The following INTS1 variants were observed in gnomAD, a reference collection of about 807,000 sequenced individuals.
INTS1 encodes the protein integrator complex subunit 1.
INTS1 carries 137 observed loss-of-function variants against 241.6 expected under a neutral mutation model. That is an observed-to-expected ratio of 0.57 (90% CI 0.49 to 0.65). INTS1 has a LOEUF of 0.65. Among genes scored for constraint, INTS1 ranks in the 30% least tolerant of loss-of-function variants. The pLI is 0.00. For synonymous variants in INTS1, 1,692 were observed against 1,337.8 expected (o/e 1.26, Z -5.78); for missense variants, 3,073 against 3,032.2 (o/e 1.01, Z -0.32).
Position 1,497,447 on chromosome 7 carries a change from G to A in INTS1, c.1426-133C>T. ...TCTCAGACAGTGTGGGGTGCGGGGTGGCGGGCTCCTTGCTCTACTGGCTGC... is the reference window on the plus strand; with the variant it reads ...TCTCAGACAGTGTGGGGTGCGGGGTAGCGGGCTCCTTGCTCTACTGGCTGC... On this transcript the variant is annotated intron_variant, in intron 10 of 47. Coordinates refer to ENST00000404767, the MANE Select transcript of INTS1 (RefSeq NM_001080453.3). This position sits in a 1 kb window ranked among gnomAD's most constrained non-coding sequence, Gnocchi z 5.3. 1.1e-6 allele frequency: 1 copy of A among 876,680 alleles called. No individual in the cohort carries two copies. The highest frequency in any genetic ancestry group is 1.7e-6 in the Non-Finnish European group (1 of 598,560). The allele number at this position is 876,680 out of a possible 1,614,324, so 54.3% of individuals were successfully genotyped here.
In INTS1 at chr7:1,493,719, C is replaced by A. The variant is rs1411498413; in HGVS notation, c.2068+35G>T. ...TTTCTGCAGGGACGAGGGGAGCAGA[C>A]CCAGCACAGGCGCCATCCCCTGCAG... On this transcript the variant is annotated intron_variant, in intron 15 of 47. Transcript: ENST00000404767. This position sits in a 1 kb window ranked among gnomAD's most constrained non-coding sequence, Gnocchi z 5.3. 1 of 1,549,720 alleles carries A rather than the reference C, an allele frequency of 6.5e-7. No homozygotes were observed. The highest frequency in any genetic ancestry group is 8.7e-7 in the Non-Finnish European group (1 of 1,147,228).
chr7:1,470,977 G>C, intron 46 of INTS1, 22 bp from the exon 47 acceptor site: 1 of 1,545,022 alleles, frequency 6.5e-7, no homozygotes, highest in Non-Finnish European at 8.8e-7. Context: ...ACACACTTCA[G>C]TGGGAACCTC....
chr7:1,476,852 T>G lies in INTS1; in HGVS notation c.5005A>C (p.Ser1669Arg). 6.2e-7 allele frequency: 1 copy of G among 1,612,994 alleles called. No individual in the cohort carries two copies. Among genetic ancestry groups the G allele is most frequent in the Middle Eastern group, 1.7e-4 (1 of 6,060 alleles). The change falls in exon 36 of 48, where the codon AGC becomes CGC. Residue 1669 changes from serine (S) to arginine (R), a missense_variant. Transcript: ENST00000404767. ...ATGCACTGGTGCAGTGTGGGCCAGC[T>G]GGACTGATGCGTGAAGAGGGTCAGG... ...YLLTLFTHQSSWPTLHQCIRV... is the reference protein window; with the variant it reads ...YLLTLFTHQSRWPTLHQCIRV...
At chr7:1,495,058 G>A (rs1782777797) in intron 13 of INTS1, among the ~76,000 whole-genome samples, 165 bp from the exon 14 acceptor site, 1 of 152,212 alleles carries the variant, frequency 6.6e-6, no homozygotes, top group Admixed American at 6.5e-5. Context: ...AGAACCCAGG[G>A]ACCACTCACG....
rs1421072314 is a variant in INTS1, at chr7:1,498,687, T to C, written c.1283+20A>G. 2 of 1,348,752 alleles carry C rather than the reference T, an allele frequency of 1.5e-6. No individual in the cohort carries two copies. Among genetic ancestry groups the C allele is most frequent in the Non-Finnish European group, 2.0e-6 (2 of 1,021,598 alleles). 83.5% of individuals were successfully genotyped at this position (1,348,752 alleles called of 1,614,324 possible). A position where few individuals can be genotyped will look rare whatever the true frequency, so the allele number is the denominator to read the frequency against. ...CCCCACTCCACCCGCACCCCCGCTC[T>C]GCCCCGGCTCGCCACGCACCTGATG... On this transcript the variant is annotated intron_variant, in intron 9 of 47. Coordinates refer to ENST00000404767, the MANE Select transcript of INTS1 (RefSeq NM_001080453.3).
At chr7:1,498,943 G>GCGGCCCCCCCCCCCCCC in intron 8 of INTS1, 32 bp downstream of exon 8, 1 of 1,070,748 alleles carries the variant, frequency 9.3e-7, no homozygotes, top group Non-Finnish European at 1.3e-6. Flanking sequence ...CCCACCCCCT[G>GCGGCCCCCCCCCCCCCC]CCCCGCCCAC....
intron 3 of INTS1, 68 bp from the exon 4 acceptor site, chr7:1,500,434 G>A (rs1454745263): frequency 1.3e-5 from 19 of 1,431,742 alleles, no homozygotes; most frequent in African/African-American, 2.8e-5. Flanking sequence ...TCGGGACACC[G>A]GGAAGACCAC....
chr7:1,474,525 A>G (rs780771744), intron 40 of INTS1, among the ~76,000 whole-genome samples, 165 bp from the exon 41 acceptor site: 3 of 151,958 alleles, frequency 2.0e-5, no homozygotes, highest in Non-Finnish European at 4.4e-5. Flanking sequence ...TCTGAGGCCC[A>G]CCCAGCTCCT....
In INTS1 at chr7:1,497,961, C is replaced by G. The variant is rs940673269; in HGVS notation, c.1425+451G>C. ...AGGCACAGGGGCTCATGCCTGTCAT[C>G]CCAGCACTTTGGGAGGTTGAGGCAG... On this transcript the variant is annotated intron_variant, in intron 10 of 47. Coordinates refer to ENST00000404767, the MANE Select transcript of INTS1 (RefSeq NM_001080453.3). This position sits in a 1 kb window ranked among gnomAD's most constrained non-coding sequence, Gnocchi z 5.3. Among the ~76,000 whole-genome samples the G allele has an allele frequency of 6.6e-6, 1 of 152,254 alleles. No homozygotes were observed.
chr7:1,490,382 G>A (rs1782489334), intron 16 of INTS1, among the ~76,000 whole-genome samples: 1 of 152,162 alleles, frequency 6.6e-6, no homozygotes, highest in Non-Finnish European at 1.5e-5. Flanking sequence ...TGCATAAAGG[G>A]ACACCCCTGA....
rs531487556 is a variant in INTS1, at chr7:1,474,098, G to T, written c.5829+70C>A. On this transcript the variant is annotated intron_variant, in intron 41 of 47. Coordinates refer to ENST00000404767, the MANE Select transcript of INTS1 (RefSeq NM_001080453.3). ...GGTCCTCCCAGTCCCTCCGCGAGTG[G>T]GTGAGGCAGGCCTGGGCCAGAGCAG... The T allele has an allele frequency of 4.7e-5, 69 of 1,459,182 alleles. No homozygotes were observed. The East Asian group carries it at 1.6e-3, about 34-fold the overall frequency. The allele number at this position is 1,459,182 out of a possible 1,614,324, so 90.4% of individuals were successfully genotyped here.
chr7:1,498,014 G>C (rs1249734503), intron 10 of INTS1, among the ~76,000 whole-genome samples: 1 of 151,974 alleles, frequency 6.6e-6, no homozygotes, highest in Non-Finnish European at 1.5e-5. Context: ...AGGAGTTTGA[G>C]ACCAGCCTGG....
rs1003535483 is a variant in INTS1, at chr7:1,499,817, T to C, written c.684+67A>G. 4.5e-6 allele frequency: 7 copies of C among 1,543,362 alleles called. No individual in the cohort carries two copies. In the African/African-American group the frequency reaches 8.2e-5, roughly 18 times the overall value. ...CCTCTGGAGAGAACACACTTCTGCT[T>C]TTCTCTCGCCCCTGCCCCACCCCGT... On this transcript the variant is annotated intron_variant, in intron 5 of 47. Transcript: ENST00000404767.
intron 41 of INTS1, 26 bp downstream of exon 41, chr7:1,474,142 C>G (rs150721417): frequency 6.5e-7 from 1 of 1,536,806 alleles, no homozygotes; most frequent in Non-Finnish European, 8.7e-7. Flanking sequence ...GAAGGGAGCG[C>G]GAGGGCGGGC....
intron 30 of INTS1, among the ~76,000 whole-genome samples, chr7:1,479,891 C>T (rs747879689): frequency 8.5e-5 from 13 of 152,230 alleles, no homozygotes; most frequent in Non-Finnish European, 1.6e-4. Context: ...CACCCAGGAG[C>T]TGCCCCAGAG....
Position 1,487,391 on chromosome 7 carries a change from A to T in INTS1, c.2575T>A (p.Ser859Thr). 1 of 1,611,736 alleles carries T rather than the reference A, an allele frequency of 6.2e-7. No individual in the cohort carries two copies. Among genetic ancestry groups the T allele is most frequent in the Non-Finnish European group, 8.5e-7 (1 of 1,179,380 alleles). Residue 859 changes from serine (S) to threonine (T), a missense_variant, in exon 20 of 48, where the codon TCC (serine) becomes ACC (threonine). Transcript: ENST00000404767. ...CACAAGAGGTGCCCGAGGCGGAGGG[A>T]CTGGTTGAGGCTTTTCACTTGATCC... is the stretch of plus-strand genomic sequence containing the variant. ...ILDQVKSLNQ[S>T]LRLGHLLCRS...
intron 42 of INTS1, 83 bp from the exon 43 acceptor site, chr7:1,473,267 G>A (rs545057707): frequency 2.3e-4 from 218 of 939,804 alleles, no homozygotes; most frequent in African/African-American, 3.6e-4. Flanking sequence ...GGGTGGCATG[G>A]GAGCGTGTGG....
At chr7:1,471,485 G>T in intron 45 of INTS1, 86 bp downstream of exon 45, 4 of 1,430,814 alleles carry the variant, frequency 2.8e-6, no homozygotes, top group Non-Finnish European at 3.9e-6. Context: ...GCTCAGCGCG[G>T]GCACGCCATG....
In INTS1 at chr7:1,471,330, A is replaced by G; in HGVS notation, c.6256-106T>C. On this transcript the variant is annotated intron_variant, in intron 45 of 47. Transcript: ENST00000404767. ...GGTTGGCGGCAACGGCAGGGACCCT[A>G]GGCCCCTATCCAGAAGGCAGGACGC... 2.5e-6 allele frequency: 3 copies of G among 1,211,368 alleles called. No homozygotes were observed. In the Admixed American group the frequency reaches 6.1e-5, roughly 25 times the overall value. 75.0% of individuals were successfully genotyped at this position (1,211,368 alleles called of 1,614,324 possible).
Sources: gnomAD v4.1 joint callset for allele counts (sites outside exome capture counted in the v4.1 genomes callset) on GRCh38, gnomAD v4.1.1 for gene constraint, Gnocchi (gnomAD v3.1) non-coding constraint, MANE v1.5 for transcripts, NCBI Gene and HGNC (gene_info 2026-07-23, HGNC 2026-07-21) for gene names.